The following TAS2R10 variants were observed in gnomAD, a reference collection of about 807,000 sequenced individuals.
The protein encoded by TAS2R10 is taste receptor type 2 member 10.
For synonymous variants in TAS2R10, 144 were observed against 126.6 expected, an observed-to-expected ratio of 1.14 and a Z score of -0.92; for missense variants, 385 against 362.0, an observed-to-expected ratio of 1.06 and a Z score of -0.52.
chr12:10,825,224 T>G (rs1948855039), downstream of TAS2R10: 4 of 770,254 alleles, frequency 5.2e-6, no homozygotes, highest in South Asian at 8.9e-5. Flanking sequence ...TTATGGAAGA[T>G]TTCAGTGATC....
chr12:10,825,832 G>A, exon 1 of TAS2R10: 1 of 1,612,510 alleles, frequency 6.2e-7, no homozygotes, highest in East Asian at 2.2e-5. Flanking sequence ...TCTTCGCAAT[G>A]TATGCAAAAT....
At chr12:10,825,231 G>T, downstream of TAS2R10, 1 of 786,414 alleles carries the variant, frequency 1.3e-6, no homozygotes, top group Non-Finnish European at 2.0e-6. Context: ...AGATTTCAGT[G>T]ATCTTTAATG....
the TAS2R10 span, chr12:10,825,682 T>TA: frequency 3.7e-6 from 6 of 1,613,566 alleles, no homozygotes; most frequent in Non-Finnish European, 5.1e-6. Context: ...GGGAAATGAT[T>TA]AAAAAAATAC....
exon 1 of TAS2R10, chr12:10,826,204 C>G: frequency 6.2e-7 from 1 of 1,613,304 alleles, no homozygotes; most frequent in Non-Finnish European, 8.5e-7. Flanking sequence ...ATCCATTCCC[C>G]AAAACCCCAA....
chr12:10,825,896 G>T, exon 1 of TAS2R10: 1 of 1,613,446 alleles, frequency 6.2e-7, no homozygotes, highest in East Asian at 2.2e-5. Flanking sequence ...AACCATATTT[G>T]TTCTGCTCTT....
chr12:10,825,615 T>A, exon 1 of TAS2R10: 2 of 1,613,840 alleles, frequency 1.2e-6, no homozygotes, highest in Non-Finnish European at 1.7e-6. Context: ...TGAGCTTCTG[T>A]GTTGGAGTCT....
exon 1 of TAS2R10, chr12:10,826,256 A>C (rs1035823532): frequency 6.2e-7 from 1 of 1,607,770 alleles, no homozygotes; most frequent in Non-Finnish European, 8.5e-7. Context: ...GATGCCTTCC[A>C]CTACACGTAG....
At chr12:10,825,699 T>A (rs143914814) in exon 1 of TAS2R10, 96 of 1,613,484 alleles carry the variant, frequency 5.9e-5, no homozygotes, top group Non-Finnish European at 7.5e-5. Context: ...ATACATGTAA[T>A]TAGGGATAGT....
chr12:10,825,425 C>T, exon 1 of TAS2R10: 2 of 1,613,606 alleles, frequency 1.2e-6, no homozygotes, highest in African/African-American at 1.3e-5. Context: ...CTTTAGCTTG[C>T]TGTTTCCTAG....
chr12:10,826,166 C>T, exon 1 of TAS2R10: 16 of 1,613,400 alleles, frequency 9.9e-6, no homozygotes, highest in Non-Finnish European at 1.4e-5. Context: ...ATTCTTGGCA[C>T]AGTCAATGCA....
exon 1 of TAS2R10, chr12:10,825,386 A>G: frequency 6.2e-7 from 1 of 1,612,396 alleles, no homozygotes; most frequent in Non-Finnish European, 8.5e-7. Context: ...ACAGCACTTC[A>G]ATTGCTGCAG....
chr12:10,826,314 T>C, exon 1 of TAS2R10: 1 of 1,392,858 alleles, frequency 7.2e-7, no homozygotes, highest in Non-Finnish European at 9.8e-7. Context: ...TATCTTAGAT[T>C]ACCTGCTGCA....
chr12:10,825,341 G>C, exon 1 of TAS2R10: 1 of 1,591,554 alleles, frequency 6.3e-7, no homozygotes, highest in Non-Finnish European at 8.5e-7. Context: ...CTCTTCCCAA[G>C]GTGTCTATGT....
exon 1 of TAS2R10, chr12:10,825,624 C>G: frequency 6.2e-7 from 1 of 1,613,748 alleles, no homozygotes; most frequent in Non-Finnish European, 8.5e-7. Flanking sequence ...GTGTTGGAGT[C>G]TCTCAATCCT....
chr12:10,826,076 C>G, exon 1 of TAS2R10: 1 of 1,612,942 alleles, frequency 6.2e-7, no homozygotes. Context: ...CTGTATAAAT[C>G]CATCTGTAAT....
chr12:10,825,816 T>G lies in TAS2R10; in HGVS notation c.454A>C (p.Asn152His), dbSNP rs768737347. 3.1e-6 allele frequency: 5 copies of G among 1,611,734 alleles called. No individual in the cohort carries two copies. The African/African-American group carries it at 6.7e-5, about 22-fold the overall frequency. Residue 152 changes from asparagine to histidine, a missense_variant, in exon 1 of 1, where the codon AAT becomes CAT. Transcript: ENST00000240619. ...GTGTCATTCTTCGTTTTATAATCATTAAGAATCTTCGCAATGTATGCAAAA... is the reference window on the plus strand; with the variant it reads ...GTGTCATTCTTCGTTTTATAATCATGAAGAATCTTCGCAATGTATGCAAAA...
At chr12:10,826,224 C>G in exon 1 of TAS2R10, 1 of 1,612,206 alleles carries the variant, frequency 6.2e-7, no homozygotes, top group African/African-American at 1.3e-5. Context: ...AACACTGACT[C>G]ACTAACTACA....
exon 1 of TAS2R10, chr12:10,825,850 C>T (rs781275304): frequency 2.7e-5 from 44 of 1,612,336 alleles, no homozygotes; most frequent in Non-Finnish European, 3.4e-5. Context: ...AATTAAGTAA[C>T]GATGAAATAA....
At chr12:10,825,723 T>C in exon 1 of TAS2R10, 1 of 1,613,534 alleles carries the variant, frequency 6.2e-7, no homozygotes. Flanking sequence ...AAGAAGAAAA[T>C]GACTCCCAGA....
Sources: gnomAD v4.1 joint callset for allele counts on GRCh38, gnomAD v4.1.1 for gene constraint, MANE v1.5 for transcripts, NCBI Gene and HGNC (gene_info 2026-07-23, HGNC 2026-07-21) for gene names.